THAP3: variants seen among roughly 807,000 people sequenced by gnomAD.
The protein encoded by THAP3 is THAP domain-containing protein 3.
Under a neutral mutation model 17.7 loss-of-function variants are expected in THAP3, and 12 were observed. The ratio of observed to expected loss-of-function variants is 0.68; its 90% CI spans 0.43 to 1.10. The LOEUF (loss-of-function observed/expected upper bound fraction) is 1.10. THAP3 is among the 50% of genes least tolerant of loss of function. The pLI, the probability that THAP3 is intolerant of heterozygous loss-of-function variation, is 0.00. For synonymous variants in THAP3, 133 were observed against 126.9 expected (o/e 1.05, Z -0.32); for missense variants, 289 against 318.0 (o/e 0.91, Z 0.69).
At chr1:6,625,601 C>A (rs913315068) in intron 2 of THAP3, among the ~76,000 whole-genome samples, 1 of 134,204 alleles carries the variant, frequency 7.5e-6, no homozygotes, top group African/African-American at 2.8e-5. Context: ...TCGCTGCAGC[C>A]CCCGCCGCGC....
At chr1:6,629,130 G>A (rs1641541250) in intron 3 of THAP3, among the ~76,000 whole-genome samples, 1 of 152,220 alleles carries the variant, frequency 6.6e-6, no homozygotes. Flanking sequence ...TGAACCGGGA[G>A]GCAGAGGTTG....
chr1:6,628,789 A>G, intron 3 of THAP3, 98 bp downstream of exon 3: 1 of 1,280,306 alleles, frequency 7.8e-7, no homozygotes, highest in South Asian at 1.5e-5. Flanking sequence ...GGGAAAAGCC[A>G]AGGCCAAGAA....
intron 2 of THAP3, chr1:6,628,203 C>T (rs993801076): frequency 2.7e-6 from 1 of 372,304 alleles, no homozygotes; most frequent in Admixed American, 4.4e-5. Flanking sequence ...CTCATTACCC[C>T]CCATCCCTAG....
intron 5 of THAP3, 96 bp downstream of exon 5, chr1:6,632,591 G>GGCCGAGGCAGGGTGTGCA (rs763172614): frequency 2.6e-6 from 4 of 1,552,008 alleles, no homozygotes; most frequent in Non-Finnish European, 3.5e-6. Context: ...AGACCTGTGT[G>GGCCGAGGCAGGGTGTGCA]GCCGAGGCAG....
At chr1:6,635,502 C>A (rs1274055436), downstream of THAP3, 3 of 693,180 alleles carry the variant, frequency 4.3e-6, no homozygotes, top group Non-Finnish European at 7.2e-6. Context: ...ACCCCCAGCA[C>A]CCTCAAAAGC....
rs1641524501 is a variant in THAP3 at position 6,628,581 on chromosome 1, G to C, written c.157G>C (p.Val53Leu). 2.5e-6 allele frequency: 4 copies of C among 1,613,752 alleles called. No individual in the cohort carries two copies. The Admixed American group carries it at 6.7e-5, about 27-fold the overall frequency. Residue 53 changes from valine to leucine, a missense_variant, in exon 3 of 6, where the codon GTC (valine) becomes CTC (leucine). Transcript: ENST00000054650. ...RGNFKPKQHTVICSEHFRPEC... is the reference protein window; with the variant it reads ...RGNFKPKQHTLICSEHFRPEC... ...CAACTTCAAGCCCAAGCAGCACACG[G>C]TCATCTGCTCCGAGCACTTCCGGCC...
chr1:6,628,283 T>G (rs1641516747), intron 2 of THAP3: 6 of 510,898 alleles, frequency 1.2e-5, no homozygotes, highest in Admixed American at 3.7e-5. Flanking sequence ...TCACTTGGGC[T>G]CTCTGGCCAT....
chr1:6,628,770 G>A (rs1323998626), intron 3 of THAP3, 79 bp downstream of exon 3: 18 of 1,431,344 alleles, frequency 1.3e-5, no homozygotes, highest in East Asian at 2.5e-5. Context: ...TGGGGGTGGC[G>A]GCATGTGTGG....
intron 3 of THAP3, among the ~76,000 whole-genome samples, chr1:6,629,946 G>T (rs1350627519): frequency 6.6e-6 from 1 of 152,202 alleles, no homozygotes; most frequent in Non-Finnish European, 1.5e-5. Flanking sequence ...TTCTGGGTCA[G>T]TGGCACCTCG....
intron 2 of THAP3, 66 bp downstream of exon 2, chr1:6,625,358 C>T: frequency 1.4e-6 from 2 of 1,423,114 alleles, no homozygotes; most frequent in Non-Finnish European, 1.8e-6. Context: ...ACTCCGAGGC[C>T]TTGGCGCGCC....
intron 2 of THAP3, among the ~76,000 whole-genome samples, chr1:6,627,375 C>G (rs531887844): frequency 6.6e-6 from 1 of 152,080 alleles, no homozygotes; most frequent in African/African-American, 2.4e-5. Context: ...AAACAAACTT[C>G]TTTTTTTGGA....
intron 5 of THAP3, 75 bp from the exon 6 acceptor site, chr1:6,632,721 G>T: frequency 6.4e-7 from 1 of 1,573,308 alleles, no homozygotes; most frequent in Non-Finnish European, 8.7e-7. Flanking sequence ...CTGTGTGCGT[G>T]TCTGGTGGCC....
intron 5 of THAP3, 65 bp from the exon 6 acceptor site, chr1:6,632,731 C>T: frequency 6.3e-7 from 1 of 1,593,558 alleles, no homozygotes; most frequent in South Asian, 1.1e-5. Flanking sequence ...GTCTGGTGGC[C>T]TGCTCACCAT....
chr1:6,634,340 A>C, downstream of THAP3: 1 of 1,088,128 alleles, frequency 9.2e-7, no homozygotes, highest in Non-Finnish European at 1.3e-6. Context: ...GCCGTCAGAG[A>C]AACCTTTTTA....
In THAP3 at chr1:6,630,414, G is replaced by A. The variant is rs1641578040; in HGVS notation, c.333+61G>A. On this transcript the variant is annotated intron_variant, in intron 4 of 5. Transcript: ENST00000054650. ...TTATGCTGTGGGTTGAGACAGGGAG[G>A]TGGGATTTTCCCAGCAAGGCCGGCC... The A allele has an allele frequency of 3.9e-5, 61 of 1,575,272 alleles. 1 individual carries two copies. In the South Asian group the frequency reaches 5.3e-4, roughly 14 times the overall value.
chr1:6,633,928 T>C, downstream of THAP3: 1 of 1,184,012 alleles, frequency 8.4e-7, no homozygotes. Flanking sequence ...AAAAAAAAAC[T>C]GACTTCCTAT....
downstream of THAP3, chr1:6,633,645 A>G: frequency 9.9e-7 from 1 of 1,011,834 alleles, no homozygotes; most frequent in Non-Finnish European, 1.2e-6. Context: ...GCAGTGGCTC[A>G]TGCCTGTAAT....
intron 2 of THAP3, among the ~76,000 whole-genome samples, chr1:6,625,572 G>T (rs982484128): frequency 4.6e-5 from 7 of 151,408 alleles, no homozygotes; most frequent in Non-Finnish European, 8.9e-5. Context: ...GCCGCGGCCG[G>T]GGTTTGCTGT....
intron 2 of THAP3, among the ~76,000 whole-genome samples, chr1:6,627,080 T>A (rs2148715404): frequency 6.6e-6 from 1 of 152,328 alleles, no homozygotes; most frequent in East Asian, 1.9e-4. Context: ...CTGGGTCACT[T>A]TTCCCGCATG....
Sources: allele counts gnomAD v4.1 joint callset (sites outside exome capture counted in the v4.1 genomes callset), GRCh38; gene constraint gnomAD v4.1.1; transcripts MANE v1.5; gene names NCBI Gene and HGNC (gene_info 2026-07-23, HGNC 2026-07-21).